The following MELK variants were observed in gnomAD, a reference collection of about 807,000 sequenced individuals.
The protein encoded by MELK is maternal embryonic leucine zipper kinase.
In MELK, 81 loss-of-function variants were observed where a neutral mutation model predicts 85.0. That is an observed-to-expected ratio of 0.95 (90% CI 0.80 to 1.15). MELK has a LOEUF of 1.15. Among genes scored for constraint, MELK ranks in the 50% most tolerant of loss-of-function variants. The probability of loss-of-function intolerance (pLI) is 0.00; values close to 1 mark genes in which losing one functional copy is unlikely to be tolerated. For missense variants in MELK, 754 were observed against 777.5 expected (o/e 0.97, Z 0.36); for synonymous variants, 252 against 265.0 (o/e 0.95, Z 0.48).
chr9:36,649,933 T>A (rs1056497480), intron 11 of MELK, among the ~76,000 whole-genome samples: 5 of 150,640 alleles, frequency 3.3e-5, no homozygotes, highest in African/African-American at 1.2e-4. Flanking sequence ...TAATTTAATT[T>A]AATTAAATTA....
chr9:36,614,989 G>T (rs1206960894), intron 8 of MELK, among the ~76,000 whole-genome samples: 1 of 146,598 alleles, frequency 6.8e-6, no homozygotes, highest in African/African-American at 2.6e-5. Flanking sequence ...GGGCAGAGGG[G>T]CTCCTCACTT....
intron 13 of MELK, among the ~76,000 whole-genome samples, chr9:36,661,994 A>C (rs1831883266): frequency 6.6e-6 from 1 of 151,302 alleles, no homozygotes; most frequent in African/African-American, 2.4e-5. Context: ...TAGATTTGGT[A>C]TGCAAACTGA....
chr9:36,628,863 C>CTTTT (rs869033969), intron 8 of MELK, among the ~76,000 whole-genome samples: 8 of 127,914 alleles, frequency 6.3e-5, no homozygotes, highest in African/African-American at 1.8e-4. Context: ...TTTGTATTTT[C>CTTTT]TTTTTTTTTT....
At chr9:36,625,314 G>A (rs993350161) in intron 8 of MELK, among the ~76,000 whole-genome samples, 2 of 152,090 alleles carry the variant, frequency 1.3e-5, no homozygotes, top group Non-Finnish European at 2.9e-5. Flanking sequence ...ATTTGAGACC[G>A]GGCAAATAAG....
At chr9:36,629,707 C>T (rs1360347731) in intron 8 of MELK, among the ~76,000 whole-genome samples, 2 of 152,164 alleles carry the variant, frequency 1.3e-5, no homozygotes, top group Non-Finnish European at 2.9e-5. Context: ...TTTAATACTA[C>T]AGATTCCAAA....
chr9:36,592,475 C>A (rs1215687984), intron 4 of MELK, among the ~76,000 whole-genome samples: 1 of 152,088 alleles, frequency 6.6e-6, no homozygotes, highest in East Asian at 1.9e-4. Context: ...CCGCGCCCGG[C>A]CCTCAAATTT....
At chr9:36,601,946 C>T (rs148334330) in intron 7 of MELK, among the ~76,000 whole-genome samples, 102 of 152,084 alleles carry the variant, frequency 6.7e-4, no homozygotes, top group African/African-American at 2.4e-3. Flanking sequence ...ATGTATATAC[C>T]ACATTTTGTT....
Position 36,574,339 on chromosome 9 carries a change from C to G in MELK, c.-39+1332C>G, listed in dbSNP as rs144579717. On this transcript the variant is annotated intron_variant, in intron 1 of 17. Transcript: ENST00000298048. ...GTGGCTCACGCTTGTAATCCCAGCACTTGGGGAGGCCGAGGTGGGCGGATC... is the reference window on the plus strand; with the variant it reads ...GTGGCTCACGCTTGTAATCCCAGCAGTTGGGGAGGCCGAGGTGGGCGGATC... Among the ~76,000 whole-genome samples the G allele has an allele frequency of 9.1e-3, 1,366 of 150,620 alleles. 12 individuals are homozygous for G. Among genetic ancestry groups the G allele is most frequent in the Non-Finnish European group, 0.014 (960 of 67,826 alleles).
At chr9:36,623,656 C>A (rs1209600458) in intron 8 of MELK, among the ~76,000 whole-genome samples, 1 of 152,230 alleles carries the variant, frequency 6.6e-6, no homozygotes. Flanking sequence ...TGGGGCAGTG[C>A]TCCATTGGGA....
chr9:36,643,187 A>G, intron 11 of MELK, 104 bp downstream of exon 11: 1 of 860,140 alleles, frequency 1.2e-6, no homozygotes, highest in Non-Finnish European at 1.8e-6. Flanking sequence ...GTTCGAGACC[A>G]GCCTGGCCAA....
At chr9:36,644,530 T>C (rs1039999004) in intron 11 of MELK, among the ~76,000 whole-genome samples, 8 of 152,234 alleles carry the variant, frequency 5.3e-5, no homozygotes, top group Non-Finnish European at 1.2e-4. Context: ...AATGGTAGTA[T>C]AATTTACTTT....
At chr9:36,618,538 T>C (rs1354030846) in intron 8 of MELK, among the ~76,000 whole-genome samples, 1 of 152,208 alleles carries the variant, frequency 6.6e-6, no homozygotes, top group African/African-American at 2.4e-5. Flanking sequence ...AATTTCAAGT[T>C]TTGCAGACAA....
At chr9:36,646,077 C>T (rs753607264) in intron 11 of MELK, among the ~76,000 whole-genome samples, 6 of 152,106 alleles carry the variant, frequency 3.9e-5, no homozygotes, top group African/African-American at 4.8e-5. Context: ...TGCCATCTAG[C>T]GGGTGGAGGC....
chr9:36,651,908 C>T (rs758020533), intron 12 of MELK, 31 bp downstream of exon 12: 29 of 1,599,282 alleles, frequency 1.8e-5, no homozygotes, highest in East Asian at 4.5e-5. Flanking sequence ...TGTCTTGCCA[C>T]GTGCCCTCCC....
intron 7 of MELK, among the ~76,000 whole-genome samples, chr9:36,605,502 G>T (rs1445017549): frequency 2.0e-5 from 3 of 152,030 alleles, no homozygotes; most frequent in African/African-American, 7.2e-5. Flanking sequence ...GTGAGCCACT[G>T]CACCTGATCT....
At chr9:36,588,384 T>C (rs1383458800) in intron 3 of MELK, among the ~76,000 whole-genome samples, 1 of 138,088 alleles carries the variant, frequency 7.2e-6, no homozygotes, top group Non-Finnish European at 1.5e-5. Flanking sequence ...GTCCCTCCCT[T>C]TTTTTTTTTT....
chr9:36,638,339 G>A (rs1220062509), intron 10 of MELK, among the ~76,000 whole-genome samples: 23 of 152,088 alleles, frequency 1.5e-4, no homozygotes, highest in Admixed American at 1.5e-3. Flanking sequence ...AGGCTGGAGT[G>A]CAGTGGTGTG....
chr9:36,576,006 C>A (rs996314344), intron 1 of MELK, among the ~76,000 whole-genome samples: 1 of 152,012 alleles, frequency 6.6e-6, no homozygotes, highest in Non-Finnish European at 1.5e-5. Context: ...TCCTATGGTT[C>A]CTGTTTGTTT....
chr9:36,647,689 A>G (rs919456060), intron 11 of MELK, among the ~76,000 whole-genome samples: 1 of 151,836 alleles, frequency 6.6e-6, no homozygotes, highest in African/African-American at 2.4e-5. Flanking sequence ...GGGTTTTACC[A>G]TGTTGGCTGG....
Sources: gnomAD v4.1 joint callset for allele counts (sites outside exome capture counted in the v4.1 genomes callset) on GRCh38, gnomAD v4.1.1 for gene constraint, MANE v1.5 for transcripts, NCBI Gene and HGNC (gene_info 2026-07-23, HGNC 2026-07-21) for gene names.